Variants in DSTYK observed in about 807,000 individuals in gnomAD.
DSTYK encodes RIP-homologous kinase.
Under a neutral mutation model 98.7 loss-of-function variants are expected in DSTYK, and 34 were observed. The observed-to-expected ratio is 0.34, with a 90% CI of 0.26 to 0.46. The LOEUF (loss-of-function observed/expected upper bound fraction) is 0.46, where lower values mean the gene tolerates loss of function less well. DSTYK is among the 20% of genes least tolerant of loss of function. The pLI, the probability that DSTYK is intolerant of heterozygous loss-of-function variation, is 1.00. For synonymous variants in DSTYK, 462 were observed against 457.3 expected (o/e 1.01, Z -0.13); for missense variants, 962 against 1,181.7 (o/e 0.81, Z 2.73).
intron 2 of DSTYK, among the ~76,000 whole-genome samples, chr1:205,182,236 A>G (rs889942534): frequency 5.9e-5 from 9 of 151,502 alleles, no homozygotes; most frequent in Admixed American, 3.3e-4. Flanking sequence ...CCCCGCCTCT[A>G]TAAAAAACAC....
In DSTYK at chr1:205,143,415, T is replaced by C. The variant is rs2102363406; in HGVS notation, c.*4143A>G. ...AAAGTGGGTTACTTGATCCAGAAAA[T>C]CCAAAAGCTTTGGAAATTCCAGGAA... On this transcript the variant is annotated 3_prime_UTR_variant, in exon 13 of 13. Coordinates refer to ENST00000367162, the MANE Select transcript of DSTYK (RefSeq NM_015375.3). 1 of 152,086 alleles carries C rather than the reference T, an allele frequency of 6.6e-6. No individual in the cohort carries two copies. The highest frequency in any genetic ancestry group is 1.9e-4 in the East Asian group (1 of 5,154). 9.4% of individuals were successfully genotyped at this position (152,086 alleles called of 1,614,324 possible). A position where few individuals can be genotyped will look rare whatever the true frequency, so the allele number is the denominator to read the frequency against.
At chr1:205,160,730 A>C (rs1370419283) in intron 7 of DSTYK, among the ~76,000 whole-genome samples, 2 of 152,112 alleles carry the variant, frequency 1.3e-5, no homozygotes, top group Non-Finnish European at 2.9e-5. Flanking sequence ...CCAATAGAAA[A>C]TAATCTAACT....
chr1:205,159,502 G>A (rs1244760648), intron 9 of DSTYK, 45 bp downstream of exon 9: 1 of 1,580,662 alleles, frequency 6.3e-7, no homozygotes. Flanking sequence ...GGCCAGAAAG[G>A]AACCCGTGGA....
Position 205,162,998 on chromosome 1 carries a change from A to G in DSTYK, c.1566T>C (p.Asn522=). ...ACGTGACTTCAACATGATAGGCAGC[A>G]TTTAAGATCTGAAAGAGACAACGCC... ...ITSNYLKQIL[N]AAYHVEVTFH... The change falls in exon 5 of 13, where the codon AAT becomes AAC. Residue 522 remains asparagine (N), a synonymous_variant. Transcript: ENST00000367162. 1.2e-6 allele frequency: 2 copies of G among 1,614,088 alleles called. No individual in the cohort carries two copies. The highest frequency in any genetic ancestry group is 2.2e-5 in the East Asian group (1 of 44,876).
At chr1:205,202,440 C>CA in intron 1 of DSTYK, 1 of 761,676 alleles carries the variant, frequency 1.3e-6, no homozygotes, top group Non-Finnish European at 2.4e-6. Context: ...GTCAGTGGCC[C>CA]AAAAAGCTTG....
At chr1:205,203,941 C>A (rs937395337) in intron 1 of DSTYK, among the ~76,000 whole-genome samples, 1 of 151,972 alleles carries the variant, frequency 6.6e-6, no homozygotes, top group Admixed American at 6.5e-5. Context: ...AAACAGCAGG[C>A]AGACCTGTAC....
intron 10 of DSTYK, among the ~76,000 whole-genome samples, chr1:205,152,563 A>T (rs1245149618): frequency 1.3e-5 from 2 of 152,178 alleles, no homozygotes; most frequent in African/African-American, 4.8e-5. Context: ...GTACTTCATA[A>T]ATCCTGCCGC....
rs751507782 is a variant in DSTYK at position 205,169,240 on chromosome 1, A to C, written c.1247T>G (p.Met416Arg). 1.2e-6 allele frequency: 2 copies of C among 1,613,940 alleles called. No individual in the cohort carries two copies. The highest frequency in any genetic ancestry group is 1.7e-5 in the Admixed American group (1 of 59,984). The change falls in exon 3 of 13, where the codon ATG becomes AGG. Residue 416 changes from methionine (M) to arginine (R), a missense_variant. Transcript: ENST00000367162. This position sits in a 1 kb window ranked among gnomAD's most constrained non-coding sequence, Gnocchi z 4.0. ...MNIANRKQEEMKDMIVETLNT... is the reference protein window; with the variant it reads ...MNIANRKQEERKDMIVETLNT... The stretch of plus-strand genomic sequence containing the variant: ...AAGTGTCTCAACAATCATATCCTTC[A>C]TTTCCTCCTGCTTTCGGTTGGCAAT...
At chr1:205,202,589 G>T in intron 1 of DSTYK, 2 of 1,051,726 alleles carry the variant, frequency 1.9e-6, no homozygotes, top group Non-Finnish European at 2.9e-6. Context: ...AGAGCTCATG[G>T]TCGGATTAAC....
At chr1:205,171,938 C>T (rs911852487) in intron 2 of DSTYK, among the ~76,000 whole-genome samples, 12 of 147,986 alleles carry the variant, frequency 8.1e-5, no homozygotes, top group African/African-American at 2.9e-4. Context: ...TTATTTCTTA[C>T]CCTATCTGAG....
intron 1 of DSTYK, among the ~76,000 whole-genome samples, chr1:205,193,769 G>A (rs2102462610): frequency 6.6e-6 from 1 of 152,044 alleles, no homozygotes; most frequent in East Asian, 1.9e-4. Flanking sequence ...TAGTTAGGAG[G>A]CTAAGGCAGG....
chr1:205,201,301 G>A (rs1442192559), intron 1 of DSTYK, among the ~76,000 whole-genome samples: 6 of 150,382 alleles, frequency 4.0e-5, no homozygotes, highest in African/African-American at 9.8e-5. Flanking sequence ...TCTCCATGAT[G>A]TGTTTATTTC....
At chr1:205,183,283 G>A (rs1658472091) in intron 2 of DSTYK, among the ~76,000 whole-genome samples, 1 of 152,178 alleles carries the variant, frequency 6.6e-6, no homozygotes, top group African/African-American at 2.4e-5. Flanking sequence ...GGTGAAATGT[G>A]CTGCCAATTG....
chr1:205,150,870 G>A lies in DSTYK; in HGVS notation c.2353-76C>T, dbSNP rs553891263. The A allele has an allele frequency of 1.2e-3, 1,365 of 1,134,870 alleles. 1 individual carries two copies. The highest frequency in any genetic ancestry group is 2.2e-3 in the Middle Eastern group (11 of 5,008). 70.3% of individuals were successfully genotyped at this position (1,134,870 alleles called of 1,614,324 possible). Reference sequence around the variant, plus strand: ...CACTGCTGCGTACCTAAGCTCAAAGGTAGGTACCTCAAAGTAGTGTCACTG... The same window carrying A: ...CACTGCTGCGTACCTAAGCTCAAAGATAGGTACCTCAAAGTAGTGTCACTG... On this transcript the variant is annotated intron_variant, in intron 10 of 12. Coordinates refer to ENST00000367162, the MANE Select transcript of DSTYK (RefSeq NM_015375.3). This position sits in a 1 kb window ranked among gnomAD's most constrained non-coding sequence, Gnocchi z 4.1.
intron 1 of DSTYK, chr1:205,202,672 G>A (rs1659078047): frequency 2.6e-6 from 3 of 1,175,406 alleles, no homozygotes; most frequent in South Asian, 1.2e-5. Context: ...TAAACCAGAA[G>A]AGGAGGGTGC....
At chr1:205,205,287 T>G (rs1007434164) in intron 1 of DSTYK, among the ~76,000 whole-genome samples, 1 of 152,006 alleles carries the variant, frequency 6.6e-6, no homozygotes, top group Non-Finnish European at 1.5e-5. Context: ...TCCCCACCCC[T>G]AAGCCCCATA....
At position 205,210,265 on chromosome 1, in the gene DSTYK, G is replaced by A. The variant is rs569878520; in HGVS notation, c.265+1006C>T. Among the ~76,000 whole-genome samples, 3 of 152,172 alleles carry A rather than the reference G, an allele frequency of 2.0e-5. No homozygotes were observed. In the East Asian group the frequency reaches 5.8e-4, roughly 29 times the overall value. ...ACCCACTTCACACACCTATTCAATA[G>A]GAATTTATGAGCTAGAGCACGAGAC... On this transcript the variant is annotated intron_variant, in intron 1 of 12. Coordinates refer to ENST00000367162, the MANE Select transcript of DSTYK (RefSeq NM_015375.3).
chr1:205,193,343 C>T (rs1242402527), intron 1 of DSTYK, among the ~76,000 whole-genome samples: 3 of 152,238 alleles, frequency 2.0e-5, no homozygotes, highest in East Asian at 1.9e-4. Flanking sequence ...TAATGTCAAT[C>T]GATTTGTAGC....
At chr1:205,147,844 A>T in intron 12 of DSTYK, 99 bp from the exon 13 acceptor site, 1 of 1,219,224 alleles carries the variant, frequency 8.2e-7, no homozygotes, top group South Asian at 1.4e-5. Flanking sequence ...TGGGGCTCAG[A>T]ATACTAAGAA....
Sources: allele counts gnomAD v4.1 joint callset (sites outside exome capture counted in the v4.1 genomes callset), GRCh38; gene constraint gnomAD v4.1.1; non-coding constraint Gnocchi (gnomAD v3.1); transcripts MANE v1.5; gene names NCBI Gene and HGNC (gene_info 2026-07-23, HGNC 2026-07-21).